The following PID1 variants were observed in gnomAD, a reference collection of about 807,000 sequenced individuals.
PID1 encodes PTB-containing, cubilin and LRP1-interacting protein.
A neutral mutation model predicts 19.1 loss-of-function variants in PID1; 10 were observed. The ratio of observed to expected loss-of-function variants is 0.52; its 90% CI spans 0.32 to 0.89. The LOEUF (loss-of-function observed/expected upper bound fraction) is 0.89. Among genes scored for constraint, PID1 ranks in the 40% least tolerant of loss-of-function variants. PID1 has a pLI of 0.03. For synonymous variants in PID1, 130 were observed against 116.0 expected (o/e 1.12, Z -0.78); for missense variants, 248 against 285.3 (o/e 0.87, Z 0.94).
rs1689950762 is a variant in PID1, at chr2:229,139,117, GAAAGAAAGAAAGAA to G, written c.177+16687_177+16700del. On this transcript the variant is annotated intron_variant, in intron 2 of 2. Transcript: ENST00000392055. ...AAAGAAAGAAAGAAAGAAAGAAAGA[GAAAGAAAGAAAGAA>G]AGAAAGAAAGAAAGAAAGCAAGCGA... Among the ~76,000 whole-genome samples the G allele has an allele frequency of 1.8e-4, 14 of 78,802 alleles. 1 individual carries two copies. Among genetic ancestry groups the G allele is most frequent in the African/African-American group, 6.8e-4 (14 of 20,660 alleles). The allele number at this position is 78,802 out of a possible 152,430, so 51.7% of individuals were successfully genotyped here. A position where few individuals can be genotyped will look rare whatever the true frequency, so the allele number is the denominator to read the frequency against.
intron 1 of PID1, among the ~76,000 whole-genome samples, chr2:229,218,228 A>G (rs1691888544): frequency 6.8e-6 from 1 of 147,710 alleles, no homozygotes; most frequent in African/African-American, 2.5e-5. Context: ...TCACAACATA[A>G]GTTTGTATAG....
chr2:229,068,865 G>C (rs1694387531), intron 2 of PID1, among the ~76,000 whole-genome samples: 1 of 152,152 alleles, frequency 6.6e-6, no homozygotes. Context: ...AGTAAAAACT[G>C]GCAATCCAAC....
chr2:229,136,401 A>C (rs1574656965), intron 2 of PID1, among the ~76,000 whole-genome samples: 2 of 152,254 alleles, frequency 1.3e-5, no homozygotes, highest in East Asian at 3.9e-4. Flanking sequence ...AGAAACTGAG[A>C]GATAATGTTT....
At chr2:229,055,181 G>A (rs1038011668) in intron 2 of PID1, among the ~76,000 whole-genome samples, 1 of 152,176 alleles carries the variant, frequency 6.6e-6, no homozygotes, top group Non-Finnish European at 1.5e-5. Flanking sequence ...GGTGAAACAT[G>A]CATGGGTGCC....
At chr2:229,153,973 C>T (rs751722317) in intron 2 of PID1, among the ~76,000 whole-genome samples, 16 of 152,096 alleles carry the variant, frequency 1.1e-4, no homozygotes, top group Non-Finnish European at 2.1e-4. Flanking sequence ...GAATGTATAA[C>T]GAATTTGATC....
chr2:229,107,236 T>G lies in PID1; in HGVS notation c.177+48582A>C, dbSNP rs530149434. Among the ~76,000 whole-genome samples, 4 of 152,304 alleles carry G rather than the reference T, an allele frequency of 2.6e-5. No individual in the cohort carries two copies. In the East Asian group the frequency reaches 5.8e-4, roughly 22 times the overall value. On this transcript the variant is annotated intron_variant, in intron 2 of 2. Transcript: ENST00000392055. ...TGATTTCAGCATCTGGCTTCCAGAATGGAGAGAATAAGTTCCTGTTGTTTT... is the reference window on the plus strand; with the variant it reads ...TGATTTCAGCATCTGGCTTCCAGAAGGGAGAGAATAAGTTCCTGTTGTTTT...
At chr2:229,212,172 C>T (rs1012678807) in intron 1 of PID1, among the ~76,000 whole-genome samples, 1 of 152,132 alleles carries the variant, frequency 6.6e-6, no homozygotes, top group African/African-American at 2.4e-5. Context: ...GAGAAAACAC[C>T]TGTTTGAGGA....
chr2:229,150,144 G>A (rs1297646223), intron 2 of PID1, among the ~76,000 whole-genome samples: 1 of 150,320 alleles, frequency 6.7e-6, no homozygotes, highest in Middle Eastern at 3.2e-3. Context: ...TGAAGCAGGA[G>A]AATCGCTTGA....
At chr2:229,133,676 T>A (rs572580276) in intron 2 of PID1, among the ~76,000 whole-genome samples, 1 of 152,240 alleles carries the variant, frequency 6.6e-6, no homozygotes, top group Non-Finnish European at 1.5e-5. Context: ...ACCTCTTCCA[T>A]TGATATGAGC....
intron 1 of PID1, among the ~76,000 whole-genome samples, chr2:229,250,799 C>T (rs1393801450): frequency 6.6e-6 from 1 of 152,188 alleles, no homozygotes; most frequent in Admixed American, 6.5e-5. Flanking sequence ...AGACCCTCAT[C>T]TTTGCCCTTT....
At chr2:229,107,426 A>G (rs1695199107) in intron 2 of PID1, among the ~76,000 whole-genome samples, 1 of 151,918 alleles carries the variant, frequency 6.6e-6, no homozygotes, top group South Asian at 2.1e-4. Context: ...AAACGCCACA[A>G]AATTGCCAGC....
At position 229,172,062 on chromosome 2, in the gene PID1, T is replaced by C. The variant is rs1043164513; in HGVS notation, c.31-16098A>G. On this transcript the variant is annotated intron_variant, in intron 1 of 2. Coordinates refer to ENST00000392055, the MANE Select transcript of PID1 (RefSeq NM_001100818.2). Reference sequence around the variant, plus strand: ...CATAGGGAGCTGTGCACAGGAGTTATGGCCTAGGCTCGTCTCAGCAAATTA... The same window carrying C: ...CATAGGGAGCTGTGCACAGGAGTTACGGCCTAGGCTCGTCTCAGCAAATTA... Among the ~76,000 whole-genome samples the C allele has an allele frequency of 2.5e-4, 38 of 152,184 alleles. 1 individual carries two copies. Among genetic ancestry groups the C allele is most frequent in the Non-Finnish European group, 4.4e-5 (3 of 68,028 alleles).
chr2:229,184,984 T>C (rs13400731), intron 1 of PID1, among the ~76,000 whole-genome samples: 1 of 2,036 alleles, frequency 4.9e-4, no homozygotes, highest in African/African-American at 5.9e-3. Context: ...ATATATATAC[T>C]ATATATATCC....
At chr2:229,060,146 T>A (rs761821482) in intron 2 of PID1, among the ~76,000 whole-genome samples, 3 of 152,134 alleles carry the variant, frequency 2.0e-5, no homozygotes, top group Non-Finnish European at 2.9e-5. Flanking sequence ...TAAAGTCTAC[T>A]TTTTTAGCCA....
intron 2 of PID1, among the ~76,000 whole-genome samples, chr2:229,072,511 C>T (rs147286156): frequency 4.5e-4 from 69 of 152,156 alleles, no homozygotes; most frequent in Middle Eastern, 6.8e-3. Context: ...TCACTTGAAC[C>T]CGGGAAGTGG....
At chr2:229,213,964 G>A (rs1400377091) in intron 1 of PID1, among the ~76,000 whole-genome samples, 1 of 152,158 alleles carries the variant, frequency 6.6e-6, no homozygotes, top group Non-Finnish European at 1.5e-5. Context: ...CTTTGAACAT[G>A]AAGAAGACCT....
At chr2:229,032,707 T>C (rs1466594715) in intron 2 of PID1, among the ~76,000 whole-genome samples, 3 of 152,204 alleles carry the variant, frequency 2.0e-5, no homozygotes, top group African/African-American at 7.2e-5. Context: ...GCATTGGGCA[T>C]GAAACTTATT....
At chr2:229,264,687 G>A (rs1690546510) in intron 1 of PID1, among the ~76,000 whole-genome samples, 1 of 152,212 alleles carries the variant, frequency 6.6e-6, no homozygotes, top group Non-Finnish European at 1.5e-5. Flanking sequence ...GGCTTATAAA[G>A]CTGAGCTAGC....
intron 1 of PID1, 143 bp from the exon 2 acceptor site, chr2:229,156,107 AG>A (rs1690368305): frequency 1.5e-6 from 1 of 676,018 alleles, no homozygotes; most frequent in African/African-American, 1.8e-5. Flanking sequence ...AAAACAGAGG[AG>A]GGGGAACTGT....
Sources: allele counts gnomAD v4.1 joint callset (sites outside exome capture counted in the v4.1 genomes callset), GRCh38; gene constraint gnomAD v4.1.1; transcripts MANE v1.5; gene names NCBI Gene and HGNC (gene_info 2026-07-23, HGNC 2026-07-21).